The following SUSD1 variants were observed in gnomAD, a reference collection of about 807,000 sequenced individuals.
SUSD1 encodes the protein sushi domain containing 1.
In SUSD1, 65 loss-of-function variants were observed where a neutral mutation model predicts 86.9. The observed-to-expected ratio is 0.75, with a 90% confidence interval of 0.61 to 0.92. SUSD1 has a LOEUF of 0.92. SUSD1 is among the 40% of genes least tolerant of loss of function. The probability of loss-of-function intolerance (pLI) is 0.00; values close to 1 mark genes in which losing one functional copy is unlikely to be tolerated. For synonymous variants in SUSD1, 346 were observed against 350.0 expected (o/e 0.99, Z 0.13); for missense variants, 850 against 929.7 (o/e 0.91, Z 1.11).
intron 2 of SUSD1, among the ~76,000 whole-genome samples, chr9:112,152,692 G>A (rs527315147): frequency 4.0e-5 from 6 of 149,498 alleles, no homozygotes; most frequent in African/African-American, 1.5e-4. Flanking sequence ...TTAGATTGCA[G>A]GCATAAGCCA....
chr9:112,123,176 C>T (rs755178953), intron 6 of SUSD1, among the ~76,000 whole-genome samples: 1 of 152,170 alleles, frequency 6.6e-6, no homozygotes, highest in South Asian at 2.1e-4. Context: ...TTATCCAGCT[C>T]ATGGTTCTGC....
At chr9:112,162,967 T>A (rs973928122) in intron 1 of SUSD1, among the ~76,000 whole-genome samples, 1 of 152,240 alleles carries the variant, frequency 6.6e-6, no homozygotes, top group Non-Finnish European at 1.5e-5. Flanking sequence ...TCATTTGAAG[T>A]CAGTGTTTCC....
intron 6 of SUSD1, among the ~76,000 whole-genome samples, 188 bp downstream of exon 6, chr9:112,124,069 T>G (rs1462071019): frequency 6.6e-6 from 1 of 152,108 alleles, no homozygotes; most frequent in East Asian, 1.9e-4. Context: ...CTATCCAACT[T>G]ATTTTTCCAA....
Position 112,113,551 on chromosome 9 carries a change from A to G in SUSD1, c.887-683T>C, listed in dbSNP as rs1300925586. Among the ~76,000 whole-genome samples the G allele has an allele frequency of 6.6e-6, 1 of 152,224 alleles. No individual in the cohort carries two copies. Among genetic ancestry groups the G allele is most frequent in the African/African-American group, 2.4e-5 (1 of 41,452 alleles). The stretch of plus-strand genomic sequence containing the variant: ...TATGAAGGCCTTGGTTCCCTGAGGT[A>G]ACATAGTTTTCAGCATTCCCAGTCA... On this transcript the variant is annotated intron_variant, in intron 6 of 16. Coordinates refer to ENST00000374270, the MANE Select transcript of SUSD1 (RefSeq NM_022486.5). The surrounding 1 kb of genome is among the most constrained non-coding windows in gnomAD (Gnocchi z 4.1).
intron 10 of SUSD1, among the ~76,000 whole-genome samples, chr9:112,097,324 C>CA (rs912496066): frequency 5.8e-4 from 73 of 125,178 alleles, no homozygotes; most frequent in Admixed American, 6.7e-4. Context: ...GACTCCATCT[C>CA]AAAAAAAAAA....
intron 1 of SUSD1, among the ~76,000 whole-genome samples, chr9:112,169,920 C>A (rs1230831247): frequency 6.6e-6 from 1 of 152,144 alleles, no homozygotes; most frequent in Non-Finnish European, 1.5e-5. Flanking sequence ...GGTGATCCAT[C>A]CACCCCAATC....
chr9:112,151,896 C>T (rs1025627484), intron 2 of SUSD1, among the ~76,000 whole-genome samples: 2 of 151,910 alleles, frequency 1.3e-5, no homozygotes, highest in Non-Finnish European at 1.5e-5. Flanking sequence ...TAGCCGGGCA[C>T]AGTGGTACAT....
intron 9 of SUSD1, among the ~76,000 whole-genome samples, chr9:112,099,015 TTCTCTCTCTCTCTCTCTCTCTCTC>T (rs58040511): frequency 2.1e-5 from 3 of 145,994 alleles, no homozygotes; most frequent in Non-Finnish European, 4.5e-5. Context: ...GAATACTTCG[TTCTCTCTCTCTCTCTCTCTCTCTC>T]TCTCTCTCTC....
intron 10 of SUSD1, among the ~76,000 whole-genome samples, chr9:112,081,295 C>G (rs564155510): frequency 6.6e-6 from 1 of 152,234 alleles, no homozygotes; most frequent in Non-Finnish European, 1.5e-5. Context: ...CCTGGCCTGA[C>G]AGGTTCCTAC....
chr9:112,140,513 C>CAA lies in SUSD1; in HGVS notation c.706+1805_706+1806dup, dbSNP rs200242915. On this transcript the variant is annotated intron_variant, in intron 5 of 16. Coordinates refer to ENST00000374270, the MANE Select transcript of SUSD1 (RefSeq NM_022486.5). ...TGGGTGGCAGAGCAAGACTCTGTCT[C>CAA]AAAAAAAAAAAGAAAAAAGAAAAGA... 4.7e-5 allele frequency among the ~76,000 whole-genome samples: 5 copies of CAA among 105,544 alleles called. No homozygotes were observed. In the South Asian group the frequency reaches 8.5e-4, roughly 18 times the overall value. 69.2% of individuals were successfully genotyped at this position (105,544 alleles called of 152,430 possible). A position where few individuals can be genotyped will look rare whatever the true frequency, so the allele number is the denominator to read the frequency against.
In SUSD1 at chr9:112,113,871, G is replaced by T. The variant is rs1453174631; in HGVS notation, c.887-1003C>A. Among the ~76,000 whole-genome samples the T allele has an allele frequency of 6.6e-6, 1 of 152,142 alleles. No homozygotes were observed. Among genetic ancestry groups the T allele is most frequent in the East Asian group, 1.9e-4 (1 of 5,184 alleles). Reference sequence around the variant, plus strand: ...CACTTGAACCTGGGAGGCAGAGGTTGCAGTGAGCTGAGATTGCACCACTGC... The same window carrying T: ...CACTTGAACCTGGGAGGCAGAGGTTTCAGTGAGCTGAGATTGCACCACTGC... On this transcript the variant is annotated intron_variant, in intron 6 of 16. Coordinates refer to ENST00000374270, the MANE Select transcript of SUSD1 (RefSeq NM_022486.5). The surrounding 1 kb of genome is among the most constrained non-coding windows in gnomAD (Gnocchi z 4.1).
At chr9:112,115,814 A>AAG (rs1554766265) in intron 6 of SUSD1, among the ~76,000 whole-genome samples, 3 of 19,260 alleles carry the variant, frequency 1.6e-4, no homozygotes, top group African/African-American at 2.1e-4. Context: ...ATTGCAAAAA[A>AAG]AAAAAAAAAG....
intron 2 of SUSD1, among the ~76,000 whole-genome samples, chr9:112,153,424 G>A (rs140007315): frequency 1.6e-3 from 238 of 152,260 alleles, no homozygotes; most frequent in African/African-American, 5.2e-3. Context: ...ACATGGAGCT[G>A]TCATCTCCTA....
rs1831161139 is a variant in SUSD1 at position 112,112,823 on chromosome 9, C to G, written c.932G>C (p.Cys311Ser). ...INDVSLFNDT[C>S]VRWQINSRRI... Reference sequence around the variant, plus strand: ...TCTTGAGTTTATTTGCCATCTCACACAGGTATCATTAAACAGTGATACATC... The same window carrying G: ...TCTTGAGTTTATTTGCCATCTCACAGAGGTATCATTAAACAGTGATACATC... The change falls in exon 7 of 17, where the codon TGT becomes TCT. Residue 311 changes from cysteine to serine, a missense_variant. Cys to Ser is a moderately radical substitution (Grantham distance 112). Coordinates refer to ENST00000374270, the MANE Select transcript of SUSD1 (RefSeq NM_022486.5). 1 of 1,613,478 alleles carries G rather than the reference C, an allele frequency of 6.2e-7. No individual in the cohort carries two copies. Among genetic ancestry groups the G allele is most frequent in the East Asian group, 2.2e-5 (1 of 44,864 alleles).
intron 2 of SUSD1, among the ~76,000 whole-genome samples, chr9:112,156,923 T>G (rs1833354681): frequency 2.6e-5 from 4 of 152,158 alleles, no homozygotes; most frequent in Non-Finnish European, 5.9e-5. Flanking sequence ...ACCTGGATAT[T>G]GTCTGACTGT....
chr9:112,157,368 G>A, intron 2 of SUSD1, 132 bp downstream of exon 2: 1 of 636,180 alleles, frequency 1.6e-6, no homozygotes, highest in Non-Finnish European at 2.7e-6. Flanking sequence ...TATTATAATT[G>A]ACAAAACTTC....
At chr9:112,171,010 G>T (rs1265563848) in intron 1 of SUSD1, among the ~76,000 whole-genome samples, 1 of 152,188 alleles carries the variant, frequency 6.6e-6, no homozygotes, top group African/African-American at 2.4e-5. Flanking sequence ...ACCGCACCCA[G>T]CCCATATATT....
chr9:112,105,821 T>C (rs1407345994), intron 8 of SUSD1, among the ~76,000 whole-genome samples: 1 of 152,182 alleles, frequency 6.6e-6, no homozygotes, highest in Non-Finnish European at 1.5e-5. Flanking sequence ...ATGAAGAGAC[T>C]TCTGTGTCAC....
chr9:112,045,115 A>T (rs1827899901), intron 15 of SUSD1, among the ~76,000 whole-genome samples: 1 of 152,174 alleles, frequency 6.6e-6, no homozygotes, highest in Non-Finnish European at 1.5e-5. Flanking sequence ...TTTAAATGCC[A>T]TCTTGGTGGA....
Sources: allele counts gnomAD v4.1 joint callset (sites outside exome capture counted in the v4.1 genomes callset), GRCh38; gene constraint gnomAD v4.1.1; non-coding constraint Gnocchi (gnomAD v3.1); transcripts MANE v1.5; gene names NCBI Gene and HGNC (gene_info 2026-07-23, HGNC 2026-07-21).